Variants in PARG observed in about 807,000 individuals in gnomAD.
PARG encodes the protein mitochondrial poly(ADP-ribose) glycohydrolase.
Under a neutral mutation model 113.0 loss-of-function variants are expected in PARG, and 35 were observed. The observed-to-expected ratio is 0.31, with a 90% CI of 0.24 to 0.41. The LOEUF (loss-of-function observed/expected upper bound fraction) is 0.41. PARG is among the 10% of genes least tolerant of loss of function. PARG has a pLI of 1.00. For missense variants in PARG, 797 were observed against 1,169.4 expected (o/e 0.68, Z 4.64); for synonymous variants, 330 against 409.9 (o/e 0.81, Z 2.36).
chr10:49,903,508 G>T (rs1293481111), intron 7 of PARG, among the ~76,000 whole-genome samples: 1 of 151,916 alleles, frequency 6.6e-6, no homozygotes, highest in Middle Eastern at 3.4e-3. Flanking sequence ...TTAGCCATGG[G>T]CTAGAAAATA....
rs1838617886 is a variant in PARG, at chr10:49,933,936, T to C, written c.512A>G (p.Glu171Gly). The change falls in exon 3 of 18, where the codon GAA becomes GGA. Residue 171 changes from glutamate to glycine, a missense_variant. Physicochemically the swap from Glu to Gly is moderately conservative, Grantham distance 98. Transcript: ENST00000616448. ...TGGTACCAGGGTTACTGTTTGAGGT[T>C]CACTTTCCAAAAGCTGCTCCGTGTG... ...GKHTEQLLES[E>G]PQTVTLVPEQ... 3 of 1,604,658 alleles carry C rather than the reference T, an allele frequency of 1.9e-6. No individual in the cohort carries two copies. Among genetic ancestry groups the C allele is most frequent in the Admixed American group, 3.3e-5 (2 of 59,992 alleles).
chr10:49,904,337 A>G (rs1345131853), intron 7 of PARG, among the ~76,000 whole-genome samples: 2 of 151,174 alleles, frequency 1.3e-5, no homozygotes, highest in African/African-American at 4.8e-5. Context: ...AGATTTGCAT[A>G]TAACCTGCAT....
chr10:49,898,846 C>A (rs1554843334), intron 7 of PARG, among the ~76,000 whole-genome samples: 1 of 151,860 alleles, frequency 6.6e-6, no homozygotes, highest in African/African-American at 2.4e-5. Flanking sequence ...CAAATTTACT[C>A]TCCAGCTAAA....
chr10:49,886,708 A>G (rs1847505723), intron 7 of PARG, among the ~76,000 whole-genome samples: 2 of 152,192 alleles, frequency 1.3e-5, no homozygotes, highest in Admixed American at 1.3e-4. Context: ...ATGAGTATGA[A>G]AACTATAGTG....
chr10:49,940,381 G>A (rs1355457939), intron 1 of PARG, among the ~76,000 whole-genome samples: 1 of 144,994 alleles, frequency 6.9e-6, no homozygotes, highest in Non-Finnish European at 1.5e-5. Context: ...GCTTATCAAT[G>A]CCCTTAGAGT....
At chr10:49,825,528 T>C (rs1844309978) in intron 16 of PARG, among the ~76,000 whole-genome samples, 1 of 152,208 alleles carries the variant, frequency 6.6e-6, no homozygotes, top group Admixed American at 6.5e-5. Context: ...CCTAAATAGG[T>C]TGTTGTGTGC....
chr10:49,935,415 C>T (rs1838698120), intron 1 of PARG, among the ~76,000 whole-genome samples: 3 of 152,216 alleles, frequency 2.0e-5, no homozygotes. Context: ...TCCTGATTCT[C>T]CCATTAGCTT....
rs184781456 is a variant in PARG, at chr10:49,890,035, T to C, written c.1738-4740A>G. On this transcript the variant is annotated intron_variant, in intron 7 of 17. Transcript: ENST00000616448. ...AGTTATTTAAGATGTACGTCATTTC[T>C]TAACTTCACGAAAAGCAAGAGCCAT... 1.3e-4 allele frequency among the ~76,000 whole-genome samples: 20 copies of C among 152,326 alleles called. No individual in the cohort carries two copies. The East Asian group carries it at 3.7e-3, about 28-fold the overall frequency.
chr10:49,896,119 G>A, intron 7 of PARG, among the ~76,000 whole-genome samples: 1 of 152,094 alleles, frequency 6.6e-6, no homozygotes, highest in East Asian at 1.9e-4. Flanking sequence ...AGGATTTCTA[G>A]TACAATGTTA....
chr10:49,819,526 T>C, intron 17 of PARG, 32 bp from the exon 18 acceptor site: 2 of 1,517,030 alleles, frequency 1.3e-6, no homozygotes, highest in Non-Finnish European at 1.8e-6. Context: ...CAGAGGCACA[T>C]TAAAGTATGT....
intron 6 of PARG, among the ~76,000 whole-genome samples, chr10:49,919,009 C>T (rs1554848443): frequency 3.3e-5 from 5 of 151,928 alleles, no homozygotes; most frequent in African/African-American, 2.4e-5. Flanking sequence ...GGCATGATCT[C>T]GGCTCACTGC....
chr10:49,829,656 C>T (rs1337159132), intron 16 of PARG, among the ~76,000 whole-genome samples: 1 of 152,114 alleles, frequency 6.6e-6, no homozygotes, highest in South Asian at 2.1e-4. Context: ...AAAAAACCCC[C>T]AACAAAACAA....
intron 10 of PARG, chr10:49,866,949 CAT>C (rs1469010612): frequency 5.1e-4 from 78 of 151,538 alleles, no homozygotes; most frequent in Admixed American, 4.1e-3. Context: ...ATAAAATACA[CAT>C]GTTTAACAAC....
At chr10:49,905,141 C>T (rs1317183766) in intron 7 of PARG, among the ~76,000 whole-genome samples, 5 of 152,298 alleles carry the variant, frequency 3.3e-5, no homozygotes, top group African/African-American at 1.2e-4. Flanking sequence ...GAAAGAGAAG[C>T]ATGAGGTATG....
rs1305133855 is a variant in PARG at position 49,940,266 on chromosome 10, G to A, written c.217+1243C>T. On this transcript the variant is annotated intron_variant, in intron 1 of 17. Transcript: ENST00000616448. ...AACTGAGTCTTGATGCTCCACTTGA[G>A]TTCCTTTTCAATCCATTCTTTATTT... Among the ~76,000 whole-genome samples, 1,295 of 145,540 alleles carry A rather than the reference G, an allele frequency of 8.9e-3. 9 individuals carry two copies. Among genetic ancestry groups the A allele is most frequent in the Non-Finnish European group, 0.015 (995 of 66,808 alleles).
chr10:49,846,125 C>T (rs1345561878), intron 13 of PARG, among the ~76,000 whole-genome samples: 4 of 150,812 alleles, frequency 2.7e-5, no homozygotes, highest in African/African-American at 9.7e-5. Flanking sequence ...TTGCCACGAT[C>T]ACACAAAGGA....
At chr10:49,915,249 C>A (rs1382515847) in intron 7 of PARG, among the ~76,000 whole-genome samples, 12 of 150,040 alleles carry the variant, frequency 8.0e-5, no homozygotes, top group African/African-American at 2.7e-4. Context: ...AAGGAACCTG[C>A]ATCTAAAATA....
chr10:49,849,314 A>G (rs1845653654), intron 13 of PARG, among the ~76,000 whole-genome samples: 1 of 152,204 alleles, frequency 6.6e-6, no homozygotes, highest in Admixed American at 6.5e-5. Flanking sequence ...ACGACGCTGA[A>G]GGAGAAAAAA....
rs1186748590 is a variant in PARG, at chr10:49,933,318, G to C, written c.1130C>G (p.Thr377Ser). ...HFQFEGGESR[T>S]GMNDLNAKLP... ...TTTAGCATTTAAATCATTCATTCCAGTGCGACTCTCTCCTCCTTCAAATTG... is the reference window on the plus strand; with the variant it reads ...TTTAGCATTTAAATCATTCATTCCACTGCGACTCTCTCCTCCTTCAAATTG... The change falls in exon 3 of 18, where the codon ACT becomes AGT. Residue 377 changes from threonine (T) to serine (S), a missense_variant. By Grantham distance (58) the Thr-to-Ser change is moderately conservative (BLOSUM62 1). Transcript: ENST00000616448. 5.0e-6 allele frequency: 8 copies of C among 1,611,028 alleles called. No individual in the cohort carries two copies. The highest frequency in any genetic ancestry group is 1.3e-5 in the African/African-American group (1 of 74,866).
Sources: gnomAD v4.1 joint callset for allele counts (sites outside exome capture counted in the v4.1 genomes callset) on GRCh38, gnomAD v4.1.1 for gene constraint, MANE v1.5 for transcripts, NCBI Gene and HGNC (gene_info 2026-07-23, HGNC 2026-07-21) for gene names.